CD226: variants seen among roughly 807,000 people sequenced by gnomAD.
CD226 encodes CD226 antigen.
A neutral mutation model predicts 34.9 loss-of-function variants in CD226; 24 were observed. The observed-to-expected ratio is 0.69, with a 90% CI of 0.50 to 0.97. The LOEUF is 0.97. Among genes scored for constraint, CD226 ranks in the 50% least tolerant of loss-of-function variants. The pLI, the probability that CD226 is intolerant of heterozygous loss-of-function variation, is 0.00. For missense variants in CD226, 397 were observed against 412.7 expected (o/e 0.96, Z 0.33); for synonymous variants, 148 against 147.4 (o/e 1.00, Z -0.03).
chr18:69,886,339 G>A lies in CD226; in HGVS notation c.727+9362C>T, dbSNP rs192707505. Among the ~76,000 whole-genome samples, 122 of 152,242 alleles carry A rather than the reference G, an allele frequency of 8.0e-4. 1 individual carries two copies. Among genetic ancestry groups the A allele is most frequent in the Admixed American group, 7.1e-3 (108 of 15,286 alleles). ...ATGGTATGTGTGTTTATCATATAGCGACCAAGACAAAGCCCTGTGACACGT... is the reference window on the plus strand; with the variant it reads ...ATGGTATGTGTGTTTATCATATAGCAACCAAGACAAAGCCCTGTGACACGT... On this transcript the variant is annotated intron_variant, in intron 3 of 5. Transcript: ENST00000582621.
upstream of CD226, chr18:69,957,037 T>C (rs1165119417): frequency 6.6e-6 from 1 of 152,232 alleles, no homozygotes; most frequent in Admixed American, 6.5e-5. Context: ...GCGGGGTTTT[T>C]TGAAGTCAAG....
At chr18:69,906,582 C>T (rs1056173380) in intron 2 of CD226, among the ~76,000 whole-genome samples, 9 of 152,272 alleles carry the variant, frequency 5.9e-5, no homozygotes, top group South Asian at 2.1e-4. Context: ...ATGGCTCTCT[C>T]CTGAAAATGT....
chr18:69,890,886 G>T (rs991831454), intron 3 of CD226, among the ~76,000 whole-genome samples: 1 of 152,058 alleles, frequency 6.6e-6, no homozygotes, highest in African/African-American at 2.4e-5. Flanking sequence ...CCAATCCTGA[G>T]TTTAGAAACA....
intron 2 of CD226, among the ~76,000 whole-genome samples, chr18:69,932,764 C>T (rs1478831057): frequency 6.6e-6 from 1 of 152,176 alleles, no homozygotes; most frequent in Non-Finnish European, 1.5e-5. Context: ...CCTTCCCTCA[C>T]TCCACAACCC....
chr18:69,897,833 C>T (rs912575494), intron 2 of CD226, among the ~76,000 whole-genome samples: 1 of 152,062 alleles, frequency 6.6e-6, no homozygotes, highest in Non-Finnish European at 1.5e-5. Flanking sequence ...TCAGCCGCAC[C>T]AAAAACTAGC....
Position 69,947,660 on chromosome 18 carries a change from A to C in CD226, c.-254T>G, listed in dbSNP as rs886616837. ...GCTTATTTTCGGGCTTTCATTTTCT[A>C]CAAGGAGTCATTCATTCAACAAACA... On this transcript the variant is annotated 5_prime_UTR_variant, in exon 1 of 6. It removes the in-frame stop codon of an upstream open reading frame in the 5' UTR. Coordinates refer to ENST00000582621, the MANE Select transcript of CD226 (RefSeq NM_001303618.2). The C allele has an allele frequency of 8.0e-5, 28 of 350,128 alleles. No individual in the cohort carries two copies. Among genetic ancestry groups the C allele is most frequent in the Non-Finnish European group, 1.3e-4 (26 of 197,240 alleles). 21.7% of individuals were successfully genotyped at this position (350,128 alleles called of 1,614,324 possible).
chr18:69,926,872 C>T (rs1477500109), intron 2 of CD226, among the ~76,000 whole-genome samples: 6 of 152,184 alleles, frequency 3.9e-5, no homozygotes, highest in Non-Finnish European at 5.9e-5. Context: ...GAACTCAAAG[C>T]TCTGTGTCAA....
chr18:69,946,934 G>C lies in CD226; in HGVS notation c.182C>G (p.Ala61Gly), dbSNP rs2055800748. 5 of 1,614,012 alleles carry C rather than the reference G, an allele frequency of 3.1e-6. No individual in the cohort carries two copies. Among genetic ancestry groups the C allele is most frequent in the Non-Finnish European group, 4.2e-6 (5 of 1,180,028 alleles). Residue 61 changes from alanine to glycine, a missense_variant, in exon 2 of 6, where the codon GCC becomes GGC. Physicochemically the swap from Ala to Gly is moderately conservative, Grantham distance 60. Transcript: ENST00000582621. ...CATGCCATGAGTAGGGCTGAAAATG[G>C]CTATGGAATCCTGCTGGGTCCCGAT... ...FKIGTQQDSI[A>G]IFSPTHGMVI...
At chr18:69,957,567 G>A (rs578122000), upstream of CD226, among the ~76,000 whole-genome samples, 1 of 152,112 alleles carries the variant, frequency 6.6e-6, no homozygotes, top group Non-Finnish European at 1.5e-5. Flanking sequence ...TTGTGGCTGA[G>A]GCTTTAGTGT....
intron 2 of CD226, among the ~76,000 whole-genome samples, chr18:69,916,915 C>T (rs868523594): frequency 1.3e-5 from 2 of 152,208 alleles, no homozygotes; most frequent in South Asian, 2.1e-4. Context: ...CATCTCCCCA[C>T]ATGACCTGCT....
At chr18:69,876,450 C>T (rs1406714541) in intron 3 of CD226, among the ~76,000 whole-genome samples, 1 of 152,124 alleles carries the variant, frequency 6.6e-6, no homozygotes, top group Non-Finnish European at 1.5e-5. Context: ...CTATTTGTAA[C>T]CCGTTTTTAG....
intron 3 of CD226, among the ~76,000 whole-genome samples, chr18:69,894,806 A>AC (rs901871308): frequency 3.3e-5 from 5 of 151,692 alleles, no homozygotes; most frequent in African/African-American, 1.2e-4. Context: ...CTCTACACAG[A>AC]CCTCTATATG....
At chr18:69,946,619 G>T in intron 2 of CD226, 115 bp downstream of exon 2, 2 of 710,294 alleles carry the variant, frequency 2.8e-6, no homozygotes, top group Non-Finnish European at 4.7e-6. Context: ...AAATGGAATT[G>T]GAGAATGCCA....
intron 3 of CD226, among the ~76,000 whole-genome samples, chr18:69,892,518 AC>A (rs1171709803): frequency 6.6e-6 from 1 of 152,212 alleles, no homozygotes; most frequent in African/African-American, 2.4e-5. Context: ...ATTTCATTCT[AC>A]ATTTCAGGAC....
intron 3 of CD226, among the ~76,000 whole-genome samples, chr18:69,881,047 T>A (rs572497175): frequency 6.6e-6 from 1 of 152,298 alleles, no homozygotes; most frequent in African/African-American, 2.4e-5. Context: ...ACAGTAGAAA[T>A]CATAGGTAAA....
chr18:69,880,344 GAAAGAAAGA>G lies in CD226; in HGVS notation c.728-7107_728-7099del, dbSNP rs1568164872. ...AAAAAGAAAGAGAGAAAGAAAGAAA[GAAAGAAAGA>G]AAGAAAGGAAGGAAGGAAGGAAGGA... On this transcript the variant is annotated intron_variant, in intron 3 of 5. Transcript: ENST00000582621. 4.1e-5 allele frequency among the ~76,000 whole-genome samples: 3 copies of G among 73,428 alleles called. No individual in the cohort carries two copies. The East Asian group carries it at 1.9e-3, about 47-fold the overall frequency. 48.2% of individuals were successfully genotyped at this position (73,428 alleles called of 152,430 possible). A position where few individuals can be genotyped will look rare whatever the true frequency, so the allele number is the denominator to read the frequency against.
At chr18:69,933,089 C>T (rs748557905) in intron 2 of CD226, among the ~76,000 whole-genome samples, 1 of 152,184 alleles carries the variant, frequency 6.6e-6, no homozygotes, top group Non-Finnish European at 1.5e-5. Context: ...TCCCTCACTG[C>T]AGGGCCACAG....
upstream of CD226, among the ~76,000 whole-genome samples, chr18:69,961,363 ACT>A (rs1315712712): frequency 1.3e-5 from 2 of 152,076 alleles, no homozygotes; most frequent in Non-Finnish European, 2.9e-5. Context: ...GGAATTTTAT[ACT>A]CTTTTACATT....
intron 3 of CD226, among the ~76,000 whole-genome samples, chr18:69,892,442 C>G (rs1274623540): frequency 1.3e-5 from 2 of 152,198 alleles, no homozygotes; most frequent in Admixed American, 6.5e-5. Flanking sequence ...TGTGCTCCCC[C>G]CGTCCCCACT....
Sources: gnomAD v4.1 joint callset for allele counts (sites outside exome capture counted in the v4.1 genomes callset) on GRCh38, gnomAD v4.1.1 for gene constraint, MANE v1.5 for transcripts, NCBI Gene and HGNC (gene_info 2026-07-23, HGNC 2026-07-21) for gene names.